The following TAOK3 variants were observed in gnomAD, a reference collection of about 807,000 sequenced individuals.
TAOK3 encodes serine/threonine-protein kinase TAO3.
In TAOK3, 40 loss-of-function variants were observed where a neutral mutation model predicts 120.4. The ratio of observed to expected loss-of-function variants is 0.33; its 90% CI spans 0.26 to 0.43. TAOK3 has a LOEUF of 0.43. TAOK3 is among the 20% of genes least tolerant of loss of function. TAOK3 has a pLI of 1.00. For synonymous variants in TAOK3, 355 were observed against 387.5 expected, an observed-to-expected ratio of 0.92 and a Z score of 0.99; for missense variants, 821 against 1,112.1, an observed-to-expected ratio of 0.74 and a Z score of 3.72.
chr12:118,244,235 T>G (rs2040377714), intron 4 of TAOK3, among the ~76,000 whole-genome samples: 1 of 151,894 alleles, frequency 6.6e-6, no homozygotes. Flanking sequence ...CTAGTTTGTT[T>G]GATGTTTTGT....
intron 7 of TAOK3, among the ~76,000 whole-genome samples, chr12:118,236,844 A>T (rs1187473682): frequency 6.6e-6 from 1 of 152,188 alleles, no homozygotes; most frequent in Non-Finnish European, 1.5e-5. Flanking sequence ...AACATTATTT[A>T]TAAGTATTTT....
chr12:118,349,133 C>T (rs942360566), intron 1 of TAOK3, among the ~76,000 whole-genome samples: 1 of 152,084 alleles, frequency 6.6e-6, no homozygotes, highest in Non-Finnish European at 1.5e-5. Context: ...CTCAGGTGAC[C>T]GCCCACCTTG....
chr12:118,219,293 C>G (rs766575770), intron 9 of TAOK3, among the ~76,000 whole-genome samples: 77 of 151,878 alleles, frequency 5.1e-4, no homozygotes, highest in Non-Finnish European at 9.9e-4. Flanking sequence ...TGCTCTGTTG[C>G]CCAGGCTGGA....
intron 19 of TAOK3, among the ~76,000 whole-genome samples, chr12:118,157,839 T>C (rs1277700428): frequency 6.6e-6 from 1 of 151,932 alleles, no homozygotes; most frequent in Non-Finnish European, 1.5e-5. Flanking sequence ...CCTAAGAACA[T>C]GCATGCTTAA....
At chr12:118,201,880 T>C (rs2038040497) in intron 11 of TAOK3, among the ~76,000 whole-genome samples, 1 of 152,136 alleles carries the variant, frequency 6.6e-6, no homozygotes, top group Admixed American at 6.5e-5. Flanking sequence ...TTATCAACTA[T>C]AGTCCTCATG....
At chr12:118,213,926 T>C (rs1205760342) in intron 10 of TAOK3, 91 bp downstream of exon 10, 1 of 1,147,962 alleles carries the variant, frequency 8.7e-7, no homozygotes, top group Non-Finnish European at 1.3e-6. Context: ...AGAAATGCTT[T>C]CTAGGTCAGA....
At chr12:118,157,017 G>A (rs2034881066) in intron 19 of TAOK3, among the ~76,000 whole-genome samples, 1 of 152,132 alleles carries the variant, frequency 6.6e-6, no homozygotes, top group Admixed American at 6.5e-5. Flanking sequence ...TAGGATTACA[G>A]GCATGAGCCA....
intron 17 of TAOK3, among the ~76,000 whole-genome samples, chr12:118,162,501 T>G (rs551272139): frequency 5.3e-5 from 8 of 152,332 alleles, no homozygotes; most frequent in African/African-American, 1.9e-4. Flanking sequence ...GATGTCAGTA[T>G]TGGGAAGAGT....
intron 17 of TAOK3, among the ~76,000 whole-genome samples, chr12:118,163,492 G>A (rs1161456501): frequency 6.6e-6 from 1 of 150,596 alleles, no homozygotes; most frequent in Non-Finnish European, 1.5e-5. Flanking sequence ...TGTTGCCCAG[G>A]TTGGTCTCGG....
chr12:118,246,175 G>C, intron 3 of TAOK3: 2 of 1,407,872 alleles, frequency 1.4e-6, no homozygotes, highest in Non-Finnish European at 1.9e-6. Context: ...GGTTTCGGCA[G>C]TGGCATCCGG....
At chr12:118,151,287 G>GCACACACACACACACACACACA (rs767980079) in intron 20 of TAOK3, 129 bp from the exon 21 acceptor site, 1 of 436,416 alleles carries the variant, frequency 2.3e-6, no homozygotes, top group South Asian at 4.0e-5. Context: ...GTGCGCGCGC[G>GCACACACACACACACACACACA]CGCACACACA....
At chr12:118,364,742 T>TA (rs2045697389) in intron 1 of TAOK3, among the ~76,000 whole-genome samples, 1 of 151,928 alleles carries the variant, frequency 6.6e-6, no homozygotes, top group Admixed American at 6.6e-5. Flanking sequence ...ATCCCCCTAC[T>TA]AAAAATACAA....
chr12:118,257,537 G>A (rs77360840), intron 2 of TAOK3, among the ~76,000 whole-genome samples: 2,087 of 151,766 alleles, frequency 0.014, 50 homozygotes, highest in African/African-American at 0.048. Context: ...TTATGCCAAC[G>A]TTTACACTGA....
At chr12:118,326,822 G>A (rs1220799705) in intron 1 of TAOK3, among the ~76,000 whole-genome samples, 1 of 152,070 alleles carries the variant, frequency 6.6e-6, no homozygotes, top group Non-Finnish European at 1.5e-5. Context: ...ACATTCCAGC[G>A]ATACAAAGGG....
Position 118,238,115 on chromosome 12 carries a change from A to G in TAOK3, c.395T>C (p.Leu132Ser), listed in dbSNP as rs377571191. The G allele has an allele frequency of 1.2e-6, 2 of 1,612,706 alleles. No homozygotes were observed. The highest frequency in any genetic ancestry group is 1.7e-6 in the Non-Finnish European group (2 of 1,179,132). ...VEIAAITHGA[L>S]HGLAYLHSHA... is the part of the protein sequence containing the mutation. ...AGAATGTAGGTAGGCTAGTCCATGC[A>G]AGGCTCCATGAGTAATGGCAGCGAT... The change falls in exon 7 of 21, where the codon TTG becomes TCG. Residue 132 changes from leucine to serine, a missense_variant. Around this residue, in one of 2 missense-constraint regions of TAOK3, gnomAD observed 467 missense variants for 540.0 expected, o/e 0.86. Transcript: ENST00000392533.
Position 118,151,289 on chromosome 12 carries a change from G to GCACA in TAOK3, c.2536-135_2536-132dup, listed in dbSNP as rs773751889. On this transcript the variant is annotated intron_variant, in intron 20 of 20. Transcript: ENST00000392533. ...GCACACACATGAAGTGCGCGCGCGC[G>GCACA]CACACACACACACACACACACACAC... 6.7e-4 allele frequency: 170 copies of GCACA among 253,104 alleles called. 1 individual carries two copies. Among genetic ancestry groups the GCACA allele is most frequent in the African/African-American group, 4.3e-3 (122 of 28,130 alleles). 15.7% of individuals were successfully genotyped at this position (253,104 alleles called of 1,614,324 possible).
At chr12:118,164,113 G>A (rs528902371) in intron 17 of TAOK3, among the ~76,000 whole-genome samples, 4 of 151,752 alleles carry the variant, frequency 2.6e-5, no homozygotes, top group South Asian at 2.1e-4. Flanking sequence ...ACGAGGTCAG[G>A]AGATCGAGAC....
intron 1 of TAOK3, among the ~76,000 whole-genome samples, chr12:118,331,861 C>T (rs1383607573): frequency 6.9e-6 from 1 of 145,600 alleles, no homozygotes; most frequent in East Asian, 2.0e-4. Flanking sequence ...GAGTCTTGCT[C>T]TGTCACCCAG....
intron 14 of TAOK3, among the ~76,000 whole-genome samples, chr12:118,185,842 G>A (rs570743569): frequency 6.6e-6 from 1 of 152,262 alleles, no homozygotes; most frequent in Non-Finnish European, 1.5e-5. Flanking sequence ...CATGTAGATT[G>A]GACAGCATAA....
Sources: allele counts gnomAD v4.1 joint callset (sites outside exome capture counted in the v4.1 genomes callset), GRCh38; gene constraint gnomAD v4.1.1; regional missense constraint gnomAD v4.1.1; transcripts MANE v1.5; gene names NCBI Gene and HGNC (gene_info 2026-07-23, HGNC 2026-07-21).